The following RABGAP1L variants were observed in gnomAD, a reference collection of about 807,000 sequenced individuals.
RABGAP1L encodes the protein RAB GTPase activating protein 1 like.
RABGAP1L carries 63 observed loss-of-function variants against 137.7 expected under a neutral mutation model. The ratio of observed to expected loss-of-function variants is 0.46; its 90% CI spans 0.37 to 0.56. RABGAP1L has a LOEUF of 0.56. Ranked by LOEUF, RABGAP1L falls within the 20% of genes least tolerant of loss-of-function variation. The pLI is 0.00. For synonymous variants in RABGAP1L, 431 were observed against 433.7 expected (o/e 0.99, Z 0.08); for missense variants, 1,095 against 1,244.0 (o/e 0.88, Z 1.80).
intron 1 of RABGAP1L, among the ~76,000 whole-genome samples, chr1:174,180,087 A>T (rs772709160): frequency 7.2e-5 from 11 of 152,244 alleles, no homozygotes; most frequent in Non-Finnish European, 1.0e-4. Context: ...TGAGATTTCC[A>T]TAAGGGATAC....
chr1:174,682,456 G>GT (rs888149504), intron 14 of RABGAP1L, among the ~76,000 whole-genome samples: 1 of 117,046 alleles, frequency 8.5e-6, no homozygotes, highest in Non-Finnish European at 1.6e-5. Flanking sequence ...TTAAAAAGTT[G>GT]TTTAAAAAAA....
At chr1:174,962,207 A>C (rs12070453) in intron 20 of RABGAP1L, among the ~76,000 whole-genome samples, 44,436 of 77,058 alleles carry the variant, frequency 0.58, 13,022 homozygotes, top group African/African-American at 0.65. Flanking sequence ...CCCCCCCCCC[A>C]CACACACACA....
intron 11 of RABGAP1L, among the ~76,000 whole-genome samples, chr1:174,312,221 A>G (rs1678925897): frequency 6.6e-6 from 1 of 152,136 alleles, no homozygotes; most frequent in African/African-American, 2.4e-5. Context: ...ACAGTGTACA[A>G]GGGTTCTTTT....
At chr1:174,229,481 C>T (rs1670455540) in intron 3 of RABGAP1L, among the ~76,000 whole-genome samples, 1 of 152,056 alleles carries the variant, frequency 6.6e-6, no homozygotes, top group Admixed American at 6.5e-5. Flanking sequence ...AAACAAGCCA[C>T]AGGAACAGTT....
chr1:174,309,647 C>A (rs952283118), intron 11 of RABGAP1L, among the ~76,000 whole-genome samples: 1 of 152,044 alleles, frequency 6.6e-6, no homozygotes, highest in Non-Finnish European at 1.5e-5. Flanking sequence ...TCATGTGATG[C>A]ATTACATTTA....
chr1:174,967,644 C>A (rs1330477543), intron 20 of RABGAP1L, among the ~76,000 whole-genome samples: 1 of 151,810 alleles, frequency 6.6e-6, no homozygotes, highest in African/African-American at 2.4e-5. Flanking sequence ...CAGCTGTACC[C>A]AGCTAATTTT....
chr1:174,622,220 A>T (rs1170121865), intron 13 of RABGAP1L, among the ~76,000 whole-genome samples: 2 of 152,200 alleles, frequency 1.3e-5, no homozygotes, highest in Non-Finnish European at 2.9e-5. Context: ...GCTGGAGAGG[A>T]TGTGGAGAAA....
At chr1:174,260,706 A>G (rs1199762913) in intron 7 of RABGAP1L, among the ~76,000 whole-genome samples, 1 of 152,172 alleles carries the variant, frequency 6.6e-6, no homozygotes, top group Non-Finnish European at 1.5e-5. Flanking sequence ...GCATACTAAC[A>G]CATTGATATG....
At chr1:174,327,726 C>A (rs1293397673) in intron 11 of RABGAP1L, among the ~76,000 whole-genome samples, 1 of 151,242 alleles carries the variant, frequency 6.6e-6, no homozygotes, top group Non-Finnish European at 1.5e-5. Context: ...AAAAATAAGA[C>A]CTAACTATAT....
chr1:174,327,992 T>TATATATATATAC (rs1680655067), intron 11 of RABGAP1L, among the ~76,000 whole-genome samples: 4 of 57,612 alleles, frequency 6.9e-5, no homozygotes, highest in African/African-American at 3.3e-4. Context: ...CACACATATA[T>TATATATATATAC]ATATATATAT....
At chr1:174,166,604 T>A (rs1448158131) in intron 1 of RABGAP1L, among the ~76,000 whole-genome samples, 2 of 152,218 alleles carry the variant, frequency 1.3e-5, no homozygotes, top group African/African-American at 4.8e-5. Flanking sequence ...GGGAATTGGG[T>A]AGCTAGAAAT....
chr1:174,376,160 GAA>G (rs1192674472), intron 12 of RABGAP1L, among the ~76,000 whole-genome samples: 1 of 142,914 alleles, frequency 7.0e-6, no homozygotes, highest in Non-Finnish European at 1.5e-5. Flanking sequence ...AGGAGAGAGA[GAA>G]AGAAAAAGAA....
At chr1:174,567,328 C>T (rs1389183934) in intron 13 of RABGAP1L, among the ~76,000 whole-genome samples, 1 of 152,074 alleles carries the variant, frequency 6.6e-6, no homozygotes, top group Non-Finnish European at 1.5e-5. Context: ...CAGGTCCATC[C>T]ATGTTGTGGC....
chr1:174,812,058 T>A, intron 19 of RABGAP1L, 98 bp downstream of exon 19: 20 of 1,149,016 alleles, frequency 1.7e-5, no homozygotes, highest in Non-Finnish European at 2.3e-5. Flanking sequence ...AAGGTTTGAT[T>A]ATGTTTAAGA....
intron 13 of RABGAP1L, among the ~76,000 whole-genome samples, chr1:174,491,196 C>T (rs1030098548): frequency 3.3e-5 from 5 of 152,094 alleles, no homozygotes; most frequent in Non-Finnish European, 2.9e-5. Context: ...CTGAAGCCAA[C>T]ATGTCTCAGA....
chr1:174,675,146 G>A (rs956927359), intron 14 of RABGAP1L, among the ~76,000 whole-genome samples: 25 of 152,278 alleles, frequency 1.6e-4, no homozygotes, highest in South Asian at 4.1e-4. Context: ...TGGTGTTTTA[G>A]ACATGAAGTC....
At chr1:174,183,316 G>A (rs556448327) in intron 1 of RABGAP1L, among the ~76,000 whole-genome samples, 1 of 152,198 alleles carries the variant, frequency 6.6e-6, no homozygotes, top group South Asian at 2.1e-4. Flanking sequence ...CGGCTCACTG[G>A]GGTGTTGCTT....
chr1:174,216,587 GT>G (rs374265714), intron 1 of RABGAP1L, among the ~76,000 whole-genome samples: 39,841 of 137,016 alleles, frequency 0.29, 4,983 homozygotes, highest in African/African-American at 0.36. Context: ...TTGCTGTCAT[GT>G]TTTTTTTTTT....
chr1:174,731,822 C>A (rs1411830646), intron 17 of RABGAP1L, among the ~76,000 whole-genome samples: 1 of 152,214 alleles, frequency 6.6e-6, no homozygotes, highest in Non-Finnish European at 1.5e-5. Flanking sequence ...AACTTAAGGA[C>A]TTCCATGTCT....
Sources: gnomAD v4.1 joint callset for allele counts (sites outside exome capture counted in the v4.1 genomes callset) on GRCh38, gnomAD v4.1.1 for gene constraint, MANE v1.5 for transcripts, NCBI Gene and HGNC (gene_info 2026-07-23, HGNC 2026-07-21) for gene names.